The following KCNK9 variants were observed in gnomAD, a reference collection of about 807,000 sequenced individuals.
The protein encoded by KCNK9 is potassium channel subfamily K member 9.
Under a neutral mutation model 10.8 loss-of-function variants are expected in KCNK9, and 1 was observed. The ratio of observed to expected loss-of-function variants is 0.09; its 90% CI spans 0.03 to 0.44. KCNK9 has a LOEUF of 0.44. Ranked by LOEUF, KCNK9 falls within the 20% of genes least tolerant of loss-of-function variation. The probability of loss-of-function intolerance (pLI) is 0.97; values close to 1 mark genes in which losing one functional copy is unlikely to be tolerated. For synonymous variants in KCNK9, 231 were observed against 222.7 expected (o/e 1.04, Z -0.33); for missense variants, 303 against 515.0 (o/e 0.59, Z 3.98).
intron 1 of KCNK9, among the ~76,000 whole-genome samples, chr8:139,619,316 AG>A (rs1055817512): frequency 6.6e-6 from 1 of 151,996 alleles, no homozygotes; most frequent in Admixed American, 6.6e-5. Flanking sequence ...AGGGGATGGC[AG>A]GGGGGTAGGA....
Position 139,618,286 on chromosome 8 carries a change from C to T in KCNK9, c.1097G>A (p.Arg366Lys). The T allele has an allele frequency of 6.2e-7, 1 of 1,614,198 alleles. No individual in the cohort carries two copies. Among genetic ancestry groups the T allele is most frequent in the East Asian group, 2.2e-5 (1 of 44,886 alleles). Residue 366 changes from arginine to lysine, a missense_variant, in exon 2 of 2, where the codon AGG becomes AAG. Transcript: ENST00000520439. The surrounding 1 kb of genome is among the most constrained non-coding windows in gnomAD (Gnocchi z 7.9). ...AACGGACTTCCGGCGTTTCATCAGC[C>T]TCTGGTGGTCGGTAAAGCTGTGTAA... ...PGLHSFTDHQ[R>K]LMKRRKSV
At chr8:139,663,683 T>TGTGTGTGTGTGTGTGTGTGAG (rs1491113981) in intron 1 of KCNK9, among the ~76,000 whole-genome samples, 1 of 74,414 alleles carries the variant, frequency 1.3e-5, no homozygotes, top group Non-Finnish European at 2.6e-5. Context: ...GTGTGTGTGT[T>TGTGTGTGTGTGTGTGTGTGAG]AGAGAGAGAG....
At chr8:139,640,834 C>T (rs1428073069) in intron 1 of KCNK9, among the ~76,000 whole-genome samples, 4 of 152,224 alleles carry the variant, frequency 2.6e-5, no homozygotes, top group African/African-American at 4.8e-5. Context: ...TTTCATGCCA[C>T]GTTCTGCGGT....
rs1231236900 is a variant in KCNK9, at chr8:139,702,324, AGT to A, written c.283+384_283+385del. 1.3e-5 allele frequency among the ~76,000 whole-genome samples: 2 copies of A among 152,210 alleles called. No homozygotes were observed. Among genetic ancestry groups the A allele is most frequent in the Admixed American group, 1.3e-4 (2 of 15,304 alleles). On this transcript the variant is annotated intron_variant, in intron 1 of 1. Coordinates refer to ENST00000520439, the MANE Select transcript of KCNK9 (RefSeq NM_001282534.2). The surrounding 1 kb of genome is among the most constrained non-coding windows in gnomAD (Gnocchi z 7.5). Reference sequence around the variant, plus strand: ...CTCTCCAACTCCCAGAGAGGTAGTAAGTGTAAGGCTCAGAGCCCCGCGCAGCC... The same window carrying A: ...CTCTCCAACTCCCAGAGAGGTAGTAAGTAAGGCTCAGAGCCCCGCGCAGCC...
At chr8:139,604,124 G>GA (rs1411808257) in intron 2 of KCNK9, among the ~76,000 whole-genome samples, 1 of 152,228 alleles carries the variant, frequency 6.6e-6, no homozygotes, top group Non-Finnish European at 1.5e-5. Context: ...AAGGATGCAA[G>GA]AGCCTCCCTG....
Position 139,618,950 on chromosome 8 carries a change from T to C in KCNK9, c.433A>G (p.Lys145Glu). 6.2e-7 allele frequency: 1 copy of C among 1,614,174 alleles called. No homozygotes were observed. The highest frequency in any genetic ancestry group is 1.3e-5 in the African/African-American group (1 of 75,058). ...FVRYLLKRIK[K>E]CCGMRNTDVS... ...TCAGTGTTGCGCATGCCACAGCACT[T>C]CTTAATGCGCTTCAGCAGGTAGCGC... Residue 145 changes from lysine to glutamate, a missense_variant, in exon 2 of 2, where the codon AAG (lysine) becomes GAG (glutamate). Lys to Glu is a moderately conservative substitution (Grantham distance 56, BLOSUM62 1). Around this residue, in one of 5 missense-constraint regions of KCNK9, gnomAD observed 32 missense variants for 30.2 expected, o/e 1.06. Transcript: ENST00000520439. The surrounding 1 kb of genome is among the most constrained non-coding windows in gnomAD (Gnocchi z 7.9).
chr8:139,674,282 G>A (rs1034196310), intron 1 of KCNK9, among the ~76,000 whole-genome samples: 1 of 152,172 alleles, frequency 6.6e-6, no homozygotes, highest in African/African-American at 2.4e-5. Flanking sequence ...TCTGCCATGC[G>A]AGGATACAGC....
rs1473297660 is a variant in KCNK9 at position 139,703,070 on chromosome 8, GGCCGCCGCCGCCTCCTCCTCCGCC to G, written c.-102_-79del. ...CGCGCGTCCCACTGCAGCGCCCGGC[GGCCGCCGCCGCCTCCTCCTCCGCC>G]GCCGCCGCCGCCGCCTCCAAGTTGT... On this transcript the variant is annotated 5_prime_UTR_variant, in exon 1 of 2. Transcript: ENST00000520439. This position sits in a 1 kb window ranked among gnomAD's most constrained non-coding sequence, Gnocchi z 6.4. 6 of 1,265,614 alleles carry G rather than the reference GGCCGCCGCCGCCTCCTCCTCCGCC, an allele frequency of 4.7e-6. No homozygotes were observed. In the East Asian group the frequency reaches 9.5e-5, roughly 20 times the overall value. 78.4% of individuals were successfully genotyped at this position (1,265,614 alleles called of 1,614,324 possible).
At chr8:139,656,198 C>A (rs1337396279) in intron 1 of KCNK9, among the ~76,000 whole-genome samples, 3 of 152,160 alleles carry the variant, frequency 2.0e-5, no homozygotes, top group African/African-American at 7.2e-5. Flanking sequence ...ATCCAAGTGG[C>A]AGCTGTCAGG....
In KCNK9 at chr8:139,703,122, G is replaced by A. The variant is rs2129831976; in HGVS notation, c.-130C>T. 1 of 622,896 alleles carries A rather than the reference G, an allele frequency of 1.6e-6. No homozygotes were observed. Among genetic ancestry groups the A allele is most frequent in the Non-Finnish European group, 2.2e-6 (1 of 446,296 alleles). The allele number at this position is 622,896 out of a possible 1,614,324, so 38.6% of individuals were successfully genotyped here. On this transcript the variant is annotated 5_prime_UTR_variant, in exon 1 of 2. Transcript: ENST00000520439. The surrounding 1 kb of genome is among the most constrained non-coding windows in gnomAD (Gnocchi z 6.4). ...CGCCGCCGCCGCCTCCAAGTTGTAA[G>A]CGGCGGCGGCAGCAGCAGCAGCAGC...
intron 1 of KCNK9, among the ~76,000 whole-genome samples, chr8:139,684,558 CA>C (rs1435653037): frequency 2.6e-5 from 4 of 152,182 alleles, no homozygotes; most frequent in Admixed American, 2.0e-4. Context: ...GCAATAAGAT[CA>C]GGGGAAAAAG....
chr8:139,701,951 T>C (rs1026701995), intron 1 of KCNK9, among the ~76,000 whole-genome samples: 1 of 152,130 alleles, frequency 6.6e-6, no homozygotes, highest in Non-Finnish European at 1.5e-5. Context: ...AGTTCCCTGG[T>C]TTCTGGGCAA....
chr8:139,666,485 A>AT (rs1442584148), intron 1 of KCNK9, among the ~76,000 whole-genome samples: 4 of 152,172 alleles, frequency 2.6e-5, no homozygotes, highest in Non-Finnish European at 2.9e-5. Context: ...GGTCATCCCC[A>AT]TTTTTATGGA....
intron 1 of KCNK9, among the ~76,000 whole-genome samples, chr8:139,687,563 C>CACATATATTCATATATATGTATACAT (rs1563752011): frequency 2.8e-4 from 29 of 104,690 alleles, no homozygotes; most frequent in African/African-American, 1.1e-3. Context: ...TATATGTATA[C>CACATATATTCATATATATGTATACAT]ATATATTCAT....
chr8:139,694,781 A>G (rs1001788465), intron 1 of KCNK9, among the ~76,000 whole-genome samples: 2 of 152,038 alleles, frequency 1.3e-5, no homozygotes, highest in African/African-American at 4.8e-5. Flanking sequence ...CCAGGGCTCA[A>G]GTTCTGATAA....
intron 1 of KCNK9, among the ~76,000 whole-genome samples, chr8:139,696,696 T>C (rs565727028): frequency 1.6e-5 from 2 of 126,930 alleles, no homozygotes; most frequent in East Asian, 4.0e-4. Flanking sequence ...GGTGGATAAA[T>C]GGATGGATGG....
At chr8:139,665,982 T>G (rs9644517) in intron 1 of KCNK9, among the ~76,000 whole-genome samples, 18,673 of 152,202 alleles carry the variant, frequency 0.12, 2,163 homozygotes, top group East Asian at 0.67. Flanking sequence ...AGCACAACTC[T>G]GTCACACAGC....
In KCNK9 at chr8:139,617,262, C is replaced by G. The variant is rs1468351893; in HGVS notation, c.*996G>C. On this transcript the variant is annotated 3_prime_UTR_variant, in exon 2 of 2. Coordinates refer to ENST00000520439, the MANE Select transcript of KCNK9 (RefSeq NM_001282534.2). ...TCTTATTTATGCAGGGTAGGTGCTG[C>G]ACAAAATCATCAATAAGAGGGAAAT... 6.6e-6 allele frequency among the ~76,000 whole-genome samples: 1 copy of G among 152,182 alleles called. No homozygotes were observed. Among genetic ancestry groups the G allele is most frequent in the Non-Finnish European group, 1.5e-5 (1 of 68,036 alleles).
At chr8:139,659,094 C>T (rs1418342740) in intron 1 of KCNK9, among the ~76,000 whole-genome samples, 1 of 152,236 alleles carries the variant, frequency 6.6e-6, no homozygotes, top group African/African-American at 2.4e-5. Flanking sequence ...TGTATCAAGC[C>T]GCTGAGTCTT....
Sources: gnomAD v4.1 joint callset for allele counts (sites outside exome capture counted in the v4.1 genomes callset) on GRCh38, gnomAD v4.1.1 for gene constraint, gnomAD v4.1.1 regional missense constraint, Gnocchi (gnomAD v3.1) non-coding constraint, MANE v1.5 for transcripts, NCBI Gene and HGNC (gene_info 2026-07-23, HGNC 2026-07-21) for gene names.